Variants in ABCC6 observed in about 807,000 individuals in gnomAD.
ABCC6 encodes ATP-binding cassette sub-family C member 6.
In ABCC6, 126 loss-of-function variants were observed where a neutral mutation model predicts 169.5. The ratio of observed to expected loss-of-function variants is 0.74; its 90% confidence interval spans 0.64 to 0.86. The LOEUF is 0.86. Among genes scored for constraint, ABCC6 ranks in the 40% least tolerant of loss-of-function variants. ABCC6 has a pLI of 0.00. For missense variants in ABCC6, 1,733 were observed against 1,927.2 expected, an observed-to-expected ratio of 0.90 and a Z score of 1.89; for synonymous variants, 752 against 814.7, an observed-to-expected ratio of 0.92 and a Z score of 1.31.
intron 2 of ABCC6, chr16:16,221,047 TTTAAG>T (rs1391317916): frequency 3.8e-6 from 1 of 264,786 alleles, no homozygotes; most frequent in East Asian, 1.1e-4. Flanking sequence ...CGCTTGGCTC[TTTAAG>T]TTTGCCAACC....
At chr16:16,187,788 A>ATTG (rs2047696812) in intron 13 of ABCC6, among the ~76,000 whole-genome samples, 1 of 152,008 alleles carries the variant, frequency 6.6e-6, no homozygotes, top group African/African-American at 2.4e-5. Flanking sequence ...CCAGCTACTC[A>ATTG]GGAGGCTGGG....
rs547175985 is a variant in ABCC6, at chr16:16,187,228, C to T, written c.1780-17G>A. The T allele has an allele frequency of 9.9e-6, 16 of 1,608,154 alleles. No individual in the cohort carries two copies. The highest frequency in any genetic ancestry group is 5.3e-5 in the African/African-American group (4 of 74,794). ...CACCCGGGCCTAGGAAAACCGAAGC[C>T]GCAGGTCACCCAGCAAGAAGAGCAA... On this transcript the variant is annotated splice_polypyrimidine_tract_variant and intron_variant, in intron 13 of 30. Coordinates refer to ENST00000205557, the MANE Select transcript of ABCC6 (RefSeq NM_001171.6).
At chr16:16,176,079 A>G (rs964809822) in intron 19 of ABCC6, 93 bp from the exon 20 acceptor site, 3 of 1,256,002 alleles carry the variant, frequency 2.4e-6, no homozygotes, top group Admixed American at 3.5e-5. Context: ...CTGACCATCC[A>G]TTTCCCCTGA....
chr16:16,166,501 G>C (rs1011575809), intron 22 of ABCC6, among the ~76,000 whole-genome samples: 3 of 152,092 alleles, frequency 2.0e-5, no homozygotes, highest in Non-Finnish European at 2.9e-5. Context: ...AGATGGGAGG[G>C]TGTATCTACA....
chr16:16,171,548 GGGTGAATAAATGAGCGGGTGGGTAGGTA>G (rs1414363514), intron 21 of ABCC6, among the ~76,000 whole-genome samples: 1 of 152,182 alleles, frequency 6.6e-6, no homozygotes, highest in Non-Finnish European at 1.5e-5. Context: ...GAGGGTAGGT[GGGTGAATAAATGAGCGGGTGGGTAGGTA>G]GGTAGGTGTG....
chr16:16,159,210 A>G (rs912066155), intron 26 of ABCC6, among the ~76,000 whole-genome samples: 18 of 152,102 alleles, frequency 1.2e-4, no homozygotes, highest in African/African-American at 3.9e-4. Context: ...TGCTGTTGCA[A>G]TGCTGTTCCT....
At chr16:16,200,755 T>TA in intron 9 of ABCC6, among the ~76,000 whole-genome samples, 1 of 151,564 alleles carries the variant, frequency 6.6e-6, no homozygotes, top group Non-Finnish European at 1.5e-5. Context: ...GAATGACACT[T>TA]ACATGGGACG....
At chr16:16,196,134 T>C (rs1200417297) in intron 10 of ABCC6, among the ~76,000 whole-genome samples, 2 of 145,702 alleles carry the variant, frequency 1.4e-5, no homozygotes, top group African/African-American at 5.2e-5. Flanking sequence ...TGCTTGAACC[T>C]GGGAGGTGGA....
intron 17 of ABCC6, 77 bp downstream of exon 17, chr16:16,182,335 G>A (rs2047502883): frequency 3.9e-6 from 6 of 1,543,574 alleles, no homozygotes; most frequent in Non-Finnish European, 5.4e-6. Flanking sequence ...CCATCATACT[G>A]CCCATGATGA....
intron 10 of ABCC6, among the ~76,000 whole-genome samples, chr16:16,197,459 GGAA>G (rs1184367630): frequency 3.3e-5 from 5 of 150,688 alleles, no homozygotes; most frequent in Admixed American, 3.3e-4. Flanking sequence ...AAGGAGGAGA[GGAA>G]GAAGAAAGGG....
intron 23 of ABCC6, 41 bp downstream of exon 23, chr16:16,165,582 G>T: frequency 6.2e-7 from 1 of 1,602,130 alleles, no homozygotes; most frequent in Non-Finnish European, 8.5e-7. Flanking sequence ...TGGCTGAGTT[G>T]ACCTCAGCCG....
rs1258279605 is a variant in ABCC6 at position 16,163,016 on chromosome 16, A to G, written c.3483T>C (p.Ser1161=). The G allele has an allele frequency of 1.2e-5, 19 of 1,613,910 alleles. No homozygotes were observed. The highest frequency in any genetic ancestry group is 1.6e-5 in the Non-Finnish European group (19 of 1,180,022). Residue 1161 remains serine, a synonymous_variant, in exon 24 of 31, where the codon AGT becomes AGC. Coordinates refer to ENST00000205557, the MANE Select transcript of ABCC6 (RefSeq NM_001171.6). ...ACCTGTCAGCCACCAGTCGCGGGAA[A>G]CTGATCCTCTGGCTTTCATCTACGC... ...NARVDESQRI[S]FPRLVADRWL...
intron 19 of ABCC6, among the ~76,000 whole-genome samples, chr16:16,177,154 G>T (rs897880631): frequency 1.6e-4 from 24 of 152,208 alleles, no homozygotes; most frequent in African/African-American, 5.3e-4. Context: ...CTTTGCCTCA[G>T]TTTGCTCATC....
At chr16:16,182,370 C>T (rs757527117) in intron 17 of ABCC6, 42 bp downstream of exon 17, 4 of 1,611,618 alleles carry the variant, frequency 2.5e-6, no homozygotes, top group African/African-American at 2.7e-5. Flanking sequence ...TGACTCCCAA[C>T]TGCAATGTCT....
At chr16:16,171,031 C>T (rs558449547) in intron 21 of ABCC6, among the ~76,000 whole-genome samples, 35 of 151,752 alleles carry the variant, frequency 2.3e-4, no homozygotes, top group Non-Finnish European at 4.7e-4. Flanking sequence ...GGACCCCTTT[C>T]TCTGGCACCC....
At chr16:16,151,695 C>T (rs1057112699) in intron 29 of ABCC6, among the ~76,000 whole-genome samples, 5 of 152,166 alleles carry the variant, frequency 3.3e-5, no homozygotes, top group African/African-American at 1.2e-4. Flanking sequence ...TATATATTCA[C>T]TCAATCCTCA....
At chr16:16,165,087 A>G (rs937439894) in intron 23 of ABCC6, among the ~76,000 whole-genome samples, 1 of 152,214 alleles carries the variant, frequency 6.6e-6, no homozygotes, top group Non-Finnish European at 1.5e-5. Context: ...GGATAAAAAC[A>G]TTACGCGTGA....
chr16:16,160,100 G>T (rs946501012), intron 25 of ABCC6, among the ~76,000 whole-genome samples: 1 of 152,052 alleles, frequency 6.6e-6, no homozygotes, highest in African/African-American at 2.4e-5. Flanking sequence ...TCTTCTTGCT[G>T]TTCCTCTAAC....
intron 22 of ABCC6, among the ~76,000 whole-genome samples, chr16:16,166,754 G>C (rs1236681612): frequency 6.6e-6 from 1 of 152,100 alleles, no homozygotes; most frequent in Admixed American, 6.5e-5. Flanking sequence ...AGCTGGGCGT[G>C]GTGGCAGGCA....
Sources: allele counts gnomAD v4.1 joint callset (sites outside exome capture counted in the v4.1 genomes callset), GRCh38; gene constraint gnomAD v4.1.1; transcripts MANE v1.5; gene names NCBI Gene and HGNC (gene_info 2026-07-23, HGNC 2026-07-21).